The following XPR1 variants were observed in gnomAD, a reference collection of about 807,000 sequenced individuals.
XPR1 encodes solute carrier family 53 member 1.
In XPR1, 28 loss-of-function variants were observed where a neutral mutation model predicts 87.5. The ratio of observed to expected loss-of-function variants is 0.32; its 90% confidence interval spans 0.24 to 0.44. The LOEUF (loss-of-function observed/expected upper bound fraction) is 0.44. Among genes scored for constraint, XPR1 ranks in the 20% least tolerant of loss-of-function variants. The pLI is 1.00. For missense variants in XPR1, 559 were observed against 862.3 expected (o/e 0.65, Z 4.41); for synonymous variants, 300 against 306.1 (o/e 0.98, Z 0.21).
At chr1:180,651,228 A>G (rs1191927395) in intron 1 of XPR1, among the ~76,000 whole-genome samples, 1 of 151,624 alleles carries the variant, frequency 6.6e-6, no homozygotes, top group Non-Finnish European at 1.5e-5. Flanking sequence ...AGTAGCTGGG[A>G]TTACGGGTGC....
At chr1:180,851,263 G>A (rs1338579514) in intron 11 of XPR1, among the ~76,000 whole-genome samples, 1 of 152,130 alleles carries the variant, frequency 6.6e-6, no homozygotes. Flanking sequence ...TCCACATGAT[G>A]GTTAGTTAAC....
chr1:180,815,511 C>T (rs1650376258), intron 7 of XPR1, among the ~76,000 whole-genome samples: 2 of 152,062 alleles, frequency 1.3e-5, no homozygotes, highest in South Asian at 2.1e-4. Flanking sequence ...CATGTACAAG[C>T]ACGATTCTTT....
chr1:180,671,771 C>T (rs1334028740), intron 1 of XPR1, among the ~76,000 whole-genome samples: 1 of 152,106 alleles, frequency 6.6e-6, no homozygotes, highest in Non-Finnish European at 1.5e-5. Context: ...CTTCGGCCTC[C>T]CAAAGTGCTG....
chr1:180,852,632 T>A (rs893024613), intron 11 of XPR1, among the ~76,000 whole-genome samples: 1 of 152,212 alleles, frequency 6.6e-6, no homozygotes, highest in African/African-American at 2.4e-5. Context: ...CACTGCAGCC[T>A]TGACCTCTTG....
chr1:180,763,946 TCTAACAG>T (rs1648164723), intron 2 of XPR1, among the ~76,000 whole-genome samples: 1 of 152,242 alleles, frequency 6.6e-6, no homozygotes, highest in African/African-American at 2.4e-5. Context: ...GTTGCTGTTG[TCTAACAG>T]CTGATACAGA....
intron 7 of XPR1, among the ~76,000 whole-genome samples, chr1:180,823,657 A>G (rs1221735924): frequency 6.6e-6 from 1 of 152,254 alleles, no homozygotes; most frequent in African/African-American, 2.4e-5. Context: ...TTTGAACATT[A>G]TAATTACTGG....
intron 2 of XPR1, among the ~76,000 whole-genome samples, chr1:180,777,349 A>G (rs1039926160): frequency 6.6e-6 from 1 of 152,314 alleles, no homozygotes; most frequent in East Asian, 1.9e-4. Flanking sequence ...AAATCCTTCA[A>G]AAATGTCTCA....
chr1:180,807,169 C>T (rs757608184), intron 6 of XPR1, among the ~76,000 whole-genome samples: 22 of 152,100 alleles, frequency 1.4e-4, no homozygotes, highest in Non-Finnish European at 3.1e-4. Flanking sequence ...AGGGTATTCA[C>T]TTTTAACACC....
At chr1:180,737,447 AT>A (rs1298520209) in intron 2 of XPR1, among the ~76,000 whole-genome samples, 1 of 152,180 alleles carries the variant, frequency 6.6e-6, no homozygotes, top group Non-Finnish European at 1.5e-5. Flanking sequence ...AATCATATAA[AT>A]TGGTATTGTA....
intron 2 of XPR1, among the ~76,000 whole-genome samples, chr1:180,682,764 T>G (rs369634392): frequency 6.6e-6 from 1 of 152,004 alleles, no homozygotes; most frequent in South Asian, 2.1e-4. Context: ...CCTTTCTATT[T>G]ATGTCATGCC....
intron 12 of XPR1, among the ~76,000 whole-genome samples, chr1:180,865,263 A>G (rs1212461660): frequency 4.6e-5 from 7 of 152,208 alleles, no homozygotes; most frequent in African/African-American, 1.7e-4. Context: ...ATTTTTATAA[A>G]TCTAATTTGA....
intron 2 of XPR1, among the ~76,000 whole-genome samples, chr1:180,750,565 T>C (rs1004699416): frequency 1.3e-5 from 2 of 152,138 alleles, no homozygotes; most frequent in African/African-American, 4.8e-5. Flanking sequence ...TGACCATACA[T>C]GTGTAGGTCT....
chr1:180,732,959 G>A (rs1029672869), intron 2 of XPR1, among the ~76,000 whole-genome samples: 7 of 152,150 alleles, frequency 4.6e-5, no homozygotes, highest in East Asian at 1.9e-4. Flanking sequence ...GTGTCTGGCC[G>A]CTCAACGGCC....
intron 7 of XPR1, among the ~76,000 whole-genome samples, chr1:180,815,938 G>A (rs1344283109): frequency 6.6e-6 from 1 of 152,162 alleles, no homozygotes; most frequent in Non-Finnish European, 1.5e-5. Context: ...GTACATGGTT[G>A]CAAAGACATG....
chr1:180,747,732 C>T (rs951640538), intron 2 of XPR1, among the ~76,000 whole-genome samples: 136 of 152,108 alleles, frequency 8.9e-4, no homozygotes, highest in African/African-American at 2.9e-3. Flanking sequence ...GTGAACAGAA[C>T]ATATGTACAA....
intron 2 of XPR1, among the ~76,000 whole-genome samples, chr1:180,776,177 T>C (rs1450411354): frequency 2.1e-5 from 3 of 144,900 alleles, no homozygotes; most frequent in Non-Finnish European, 3.0e-5. Flanking sequence ...TGTAAGCTTA[T>C]TTATCATTAA....
rs771908192 is a variant in XPR1, at chr1:180,863,657, T to G, written c.1502-51T>G. 4.7e-6 allele frequency: 7 copies of G among 1,477,930 alleles called. No individual in the cohort carries two copies. In the South Asian group the frequency reaches 7.4e-5, roughly 16 times the overall value. 91.6% of individuals were successfully genotyped at this position (1,477,930 alleles called of 1,614,324 possible). A position where few individuals can be genotyped will look rare whatever the true frequency, so the allele number is the denominator to read the frequency against. Reference sequence around the variant, plus strand: ...TAATTAGTGTTATTAATGAAAAATTTTACTTAAATGTAGTAATTTTCTCTT... The same window carrying G: ...TAATTAGTGTTATTAATGAAAAATTGTACTTAAATGTAGTAATTTTCTCTT... On this transcript the variant is annotated intron_variant, in intron 11 of 14. Transcript: ENST00000367590.
intron 3 of XPR1, among the ~76,000 whole-genome samples, chr1:180,797,106 T>C (rs1649611986): frequency 6.6e-6 from 1 of 152,190 alleles, no homozygotes. Flanking sequence ...CACAACTCTA[T>C]AAATTTACTG....
rs574357029 is a variant in XPR1 at position 180,646,811 on chromosome 1, C to G, written c.69+14541C>G. On this transcript the variant is annotated intron_variant, in intron 1 of 14. Coordinates refer to ENST00000367590, the MANE Select transcript of XPR1 (RefSeq NM_004736.4). Reference sequence around the variant, plus strand: ...AAATAATGGGTGGGCCATGCATGGACTGAAATAAGTGTTGGATTCTGACTT... The same window carrying G: ...AAATAATGGGTGGGCCATGCATGGAGTGAAATAAGTGTTGGATTCTGACTT... Among the ~76,000 whole-genome samples, 63 of 152,234 alleles carry G rather than the reference C, an allele frequency of 4.1e-4. 2 individuals carry two copies. In the South Asian group the frequency reaches 0.013, roughly 32 times the overall value.
Sources: gnomAD v4.1 joint callset for allele counts (sites outside exome capture counted in the v4.1 genomes callset) on GRCh38, gnomAD v4.1.1 for gene constraint, MANE v1.5 for transcripts, NCBI Gene and HGNC (gene_info 2026-07-23, HGNC 2026-07-21) for gene names.